Variants in LUZP2 observed in about 807,000 individuals in gnomAD.
LUZP2 encodes leucine zipper protein 2.
LUZP2 carries 52 observed loss-of-function variants against 51.6 expected under a neutral mutation model. That is an observed-to-expected ratio of 1.01 (90% CI 0.81 to 1.27). The LOEUF (loss-of-function observed/expected upper bound fraction) is 1.27. LUZP2 is among the 50% of genes most tolerant of loss of function. The probability of loss-of-function intolerance (pLI) is 0.00; values close to 1 mark genes in which losing one functional copy is unlikely to be tolerated. For synonymous variants in LUZP2, 154 were observed against 137.3 expected, an observed-to-expected ratio of 1.12 and a Z score of -0.85; for missense variants, 436 against 395.4, an observed-to-expected ratio of 1.10 and a Z score of -0.87.
At chr11:24,594,750 C>CTTTTT (rs61196514) in intron 1 of LUZP2, among the ~76,000 whole-genome samples, 5 of 78,554 alleles carry the variant, frequency 6.4e-5, no homozygotes, top group Non-Finnish European at 9.1e-5. Context: ...GTTTGGGACA[C>CTTTTT]TTTTTTTTTT....
At chr11:24,706,612 T>A (rs1446004871) in intron 1 of LUZP2, among the ~76,000 whole-genome samples, 1 of 152,116 alleles carries the variant, frequency 6.6e-6, no homozygotes, top group Non-Finnish European at 1.5e-5. Flanking sequence ...AAAATGGCTG[T>A]CAGAATTGAT....
intron 1 of LUZP2, among the ~76,000 whole-genome samples, chr11:24,693,773 G>T (rs1403720151): frequency 2.0e-5 from 3 of 151,902 alleles, no homozygotes; most frequent in Admixed American, 2.0e-4. Flanking sequence ...AATGGGAGTT[G>T]ATATATGAAT....
chr11:25,011,836 G>T (rs1443280458), intron 9 of LUZP2, among the ~76,000 whole-genome samples: 3 of 151,186 alleles, frequency 2.0e-5, no homozygotes, highest in Non-Finnish European at 1.5e-5. Context: ...ATATCTGTTG[G>T]GAATATTTCA....
intron 1 of LUZP2, among the ~76,000 whole-genome samples, chr11:24,601,892 ATATG>A (rs1853656084): frequency 1.7e-5 from 1 of 60,458 alleles, no homozygotes; most frequent in Non-Finnish European, 3.1e-5. Context: ...ATATATGTAT[ATATG>A]TATATATGTA....
At chr11:24,732,034 C>T (rs1858731748) in intron 2 of LUZP2, 84 bp from the exon 3 acceptor site, 5 of 955,318 alleles carry the variant, frequency 5.2e-6, no homozygotes, top group East Asian at 2.6e-5. Flanking sequence ...ATGTGCAGTC[C>T]TATCTAGTAC....
At chr11:24,846,476 C>T (rs1851204442) in intron 5 of LUZP2, among the ~76,000 whole-genome samples, 1 of 151,912 alleles carries the variant, frequency 6.6e-6, no homozygotes, top group Non-Finnish European at 1.5e-5. Context: ...TATGCCAATA[C>T]ATTCACCTTT....
chr11:25,051,311 C>G (rs1858503997), intron 10 of LUZP2, among the ~76,000 whole-genome samples: 1 of 150,420 alleles, frequency 6.6e-6, no homozygotes, highest in African/African-American at 2.5e-5. Flanking sequence ...AGCGAGACTC[C>G]GTCTCAAAAA....
chr11:24,638,643 A>G (rs999120712), intron 1 of LUZP2, among the ~76,000 whole-genome samples: 1 of 151,664 alleles, frequency 6.6e-6, no homozygotes, highest in African/African-American at 2.4e-5. Flanking sequence ...TTTGTTAAGA[A>G]ATTAGGGCAT....
chr11:25,036,416 A>T (rs990886904), intron 9 of LUZP2, among the ~76,000 whole-genome samples: 1 of 152,016 alleles, frequency 6.6e-6, no homozygotes, highest in Non-Finnish European at 1.5e-5. Flanking sequence ...TTTTTTGAAG[A>T]ACCAACTCGG....
chr11:24,788,656 T>C (rs1475047866), intron 5 of LUZP2, among the ~76,000 whole-genome samples: 2 of 152,110 alleles, frequency 1.3e-5, no homozygotes, highest in Non-Finnish European at 2.9e-5. Context: ...ATTCATAACA[T>C]ATAAATACTA....
chr11:24,537,572 G>C (rs573238577), intron 1 of LUZP2, among the ~76,000 whole-genome samples: 1 of 151,726 alleles, frequency 6.6e-6, no homozygotes, highest in East Asian at 1.9e-4. Context: ...CAAATCAAAG[G>C]TTCTTTTATT....
At chr11:25,059,513 A>T (rs1396689117) in intron 10 of LUZP2, among the ~76,000 whole-genome samples, 1 of 152,194 alleles carries the variant, frequency 6.6e-6, no homozygotes, top group Non-Finnish European at 1.5e-5. Context: ...TCCAAATGGG[A>T]TATCTGCACT....
intron 1 of LUZP2, among the ~76,000 whole-genome samples, chr11:24,595,180 T>TG (rs1554960874): frequency 8.7e-5 from 2 of 22,932 alleles, no homozygotes; most frequent in East Asian, 1.6e-3. Context: ...TATTAGATTC[T>TG]GAAAAAAAAA....
intron 7 of LUZP2, among the ~76,000 whole-genome samples, chr11:24,969,479 A>T (rs1435655994): frequency 6.6e-6 from 1 of 152,086 alleles, no homozygotes; most frequent in African/African-American, 2.4e-5. Context: ...GTTTTATTTT[A>T]TTCTATAGGA....
At chr11:24,548,872 G>C (rs926785177) in intron 1 of LUZP2, among the ~76,000 whole-genome samples, 11 of 151,908 alleles carry the variant, frequency 7.2e-5, no homozygotes, top group Non-Finnish European at 1.5e-4. Context: ...TCTAGAAGTA[G>C]ATGTTTGCTA....
chr11:25,028,477 A>G (rs1373302258), intron 9 of LUZP2, among the ~76,000 whole-genome samples: 1 of 152,212 alleles, frequency 6.6e-6, no homozygotes, highest in African/African-American at 2.4e-5. Flanking sequence ...AAAGAATGAG[A>G]TTTTTTCATC....
intron 1 of LUZP2, among the ~76,000 whole-genome samples, chr11:24,617,135 G>A (rs1290543488): frequency 1.3e-5 from 2 of 152,094 alleles, no homozygotes; most frequent in Non-Finnish European, 1.5e-5. Context: ...GATGTTCATG[G>A]TGAGGCTATG....
chr11:24,734,468 G>A (rs1858851600), intron 3 of LUZP2, among the ~76,000 whole-genome samples: 1 of 151,852 alleles, frequency 6.6e-6, no homozygotes, highest in South Asian at 2.1e-4. Context: ...GTCTTTCAAA[G>A]AGAGGGTAAA....
intron 10 of LUZP2, among the ~76,000 whole-genome samples, chr11:25,076,717 A>G (rs1859315838): frequency 6.8e-6 from 1 of 147,190 alleles, no homozygotes; most frequent in Non-Finnish European, 1.5e-5. Context: ...AATAGAAGTG[A>G]AGCCCAAGTG....
Sources: gnomAD v4.1 joint callset for allele counts (sites outside exome capture counted in the v4.1 genomes callset) on GRCh38, gnomAD v4.1.1 for gene constraint, MANE v1.5 for transcripts, NCBI Gene and HGNC (gene_info 2026-07-23, HGNC 2026-07-21) for gene names.